TSPAN5: variants seen among roughly 807,000 people sequenced by gnomAD.
The protein encoded by TSPAN5 is tetraspanin-5.
Under a neutral mutation model 37.1 loss-of-function variants are expected in TSPAN5, and 10 were observed. The observed-to-expected ratio is 0.27, with a 90% CI of 0.17 to 0.46. The LOEUF (loss-of-function observed/expected upper bound fraction) is 0.46, where lower values mean the gene tolerates loss of function less well. TSPAN5 is among the 20% of genes least tolerant of loss of function. The probability of loss-of-function intolerance (pLI) is 1.00; values close to 1 mark genes in which losing one functional copy is unlikely to be tolerated. For missense variants in TSPAN5, 195 were observed against 326.6 expected (o/e 0.60, Z 3.11); for synonymous variants, 110 against 118.9 (o/e 0.93, Z 0.48).
intron 1 of TSPAN5, among the ~76,000 whole-genome samples, chr4:98,542,017 A>C (rs1025867726): frequency 1.3e-5 from 2 of 152,210 alleles, no homozygotes; most frequent in African/African-American, 2.4e-5. Flanking sequence ...ATATTGTCTA[A>C]AGCCCAATGC....
chr4:98,505,944 G>A (rs1459865008), intron 2 of TSPAN5, among the ~76,000 whole-genome samples: 2 of 152,138 alleles, frequency 1.3e-5, no homozygotes, highest in South Asian at 2.1e-4. Flanking sequence ...CCTAAAGACC[G>A]CATCAACCCC....
intron 1 of TSPAN5, among the ~76,000 whole-genome samples, chr4:98,580,646 T>A (rs1755346599): frequency 6.6e-6 from 1 of 152,188 alleles, no homozygotes; most frequent in Admixed American, 6.5e-5. Context: ...AAAAGGAAAC[T>A]AGGGAGGGTG....
chr4:98,656,032 T>C (rs183411893), intron 1 of TSPAN5, among the ~76,000 whole-genome samples: 1 of 152,246 alleles, frequency 6.6e-6, no homozygotes, highest in African/African-American at 2.4e-5. Flanking sequence ...GGGCAGCTAG[T>C]TTAGTCCCAT....
intron 1 of TSPAN5, among the ~76,000 whole-genome samples, chr4:98,656,930 T>C (rs191227080): frequency 3.9e-5 from 6 of 152,288 alleles, no homozygotes; most frequent in Admixed American, 3.9e-4. Flanking sequence ...AGAATTCAAA[T>C]AAATACATTC....
At chr4:98,649,081 T>C (rs1041233086) in intron 1 of TSPAN5, among the ~76,000 whole-genome samples, 21 of 152,210 alleles carry the variant, frequency 1.4e-4, no homozygotes, top group Admixed American at 1.3e-3. Context: ...GAGGAGTAAT[T>C]TTTTTAAAAA....
intron 1 of TSPAN5, among the ~76,000 whole-genome samples, chr4:98,586,536 A>G (rs1488352097): frequency 4.6e-5 from 7 of 152,214 alleles, no homozygotes; most frequent in Admixed American, 3.3e-4. Context: ...AATAGGCAAG[A>G]TGATAGATTA....
At chr4:98,488,321 T>C (rs967601806) in intron 2 of TSPAN5, among the ~76,000 whole-genome samples, 3 of 152,234 alleles carry the variant, frequency 2.0e-5, no homozygotes, top group Admixed American at 1.3e-4. Flanking sequence ...TAGGAACATT[T>C]GGAGAAGCGT....
chr4:98,628,628 G>T (rs903436483), intron 1 of TSPAN5, among the ~76,000 whole-genome samples: 5 of 152,132 alleles, frequency 3.3e-5, no homozygotes, highest in Non-Finnish European at 7.4e-5. Context: ...GATAGGCATG[G>T]CAGAAGCATT....
chr4:98,509,359 C>G (rs1753552583), intron 1 of TSPAN5, among the ~76,000 whole-genome samples: 1 of 152,146 alleles, frequency 6.6e-6, no homozygotes, highest in Non-Finnish European at 1.5e-5. Flanking sequence ...TAAGCAATCA[C>G]TAATAAATCC....
At chr4:98,569,528 G>A (rs921861607) in intron 1 of TSPAN5, among the ~76,000 whole-genome samples, 2 of 152,190 alleles carry the variant, frequency 1.3e-5, no homozygotes, top group Admixed American at 6.5e-5. Context: ...GATGGCTGGG[G>A]GTGCTCGTGT....
chr4:98,643,998 A>G (rs951630777), intron 1 of TSPAN5, among the ~76,000 whole-genome samples: 2 of 152,226 alleles, frequency 1.3e-5, no homozygotes, highest in African/African-American at 4.8e-5. Flanking sequence ...GGTCATGCTG[A>G]AAAACATCTA....
intron 1 of TSPAN5, among the ~76,000 whole-genome samples, chr4:98,650,037 T>A (rs1350379483): frequency 1.3e-5 from 2 of 152,212 alleles, no homozygotes; most frequent in Non-Finnish European, 2.9e-5. Flanking sequence ...ATATAATATG[T>A]TTGGAAGACT....
At chr4:98,486,586 T>G (rs1356326415) in intron 3 of TSPAN5, 152 bp downstream of exon 3, 5 of 780,132 alleles carry the variant, frequency 6.4e-6, no homozygotes, top group Non-Finnish European at 1.0e-5. Context: ...GAATCAGGGC[T>G]AGAGAGCTCT....
At chr4:98,514,513 C>T (rs929822238) in intron 1 of TSPAN5, among the ~76,000 whole-genome samples, 8 of 152,168 alleles carry the variant, frequency 5.3e-5, no homozygotes, top group Non-Finnish European at 1.2e-4. Flanking sequence ...ATTGGGTCCC[C>T]GTGTCCCAGT....
chr4:98,491,017 G>C (rs964260205), intron 2 of TSPAN5, among the ~76,000 whole-genome samples: 1 of 151,702 alleles, frequency 6.6e-6, no homozygotes, highest in Non-Finnish European at 1.5e-5. Context: ...AGCCGATATC[G>C]CACCACTGCA....
chr4:98,496,368 C>G (rs115177376), intron 2 of TSPAN5: 234 of 152,258 alleles, frequency 1.5e-3, no homozygotes, highest in African/African-American at 5.4e-3. Flanking sequence ...CTGAACAGTC[C>G]AGGGAGATGT....
chr4:98,601,083 C>G (rs1298962747), intron 1 of TSPAN5, among the ~76,000 whole-genome samples: 1 of 152,170 alleles, frequency 6.6e-6, no homozygotes, highest in African/African-American at 2.4e-5. Flanking sequence ...CAATAAGTCT[C>G]AACAGTGGCC....
intron 1 of TSPAN5, among the ~76,000 whole-genome samples, chr4:98,563,798 A>C (rs1754929748): frequency 1.3e-5 from 2 of 152,212 alleles, no homozygotes; most frequent in South Asian, 4.1e-4. Context: ...GGCCTCCCTG[A>C]GAGGACATTC....
intron 1 of TSPAN5, among the ~76,000 whole-genome samples, chr4:98,603,262 A>C (rs1488760692): frequency 6.6e-6 from 1 of 152,154 alleles, no homozygotes; most frequent in Non-Finnish European, 1.5e-5. Flanking sequence ...CCTACCAGGC[A>C]CTTTGCTTTA....
Sources: gnomAD v4.1 joint callset for allele counts (sites outside exome capture counted in the v4.1 genomes callset) on GRCh38, gnomAD v4.1.1 for gene constraint, MANE v1.5 for transcripts, NCBI Gene and HGNC (gene_info 2026-07-23, HGNC 2026-07-21) for gene names.